Variants in HDAC9 observed in about 807,000 individuals in gnomAD.
The protein encoded by HDAC9 is histone deacetylase 9.
In HDAC9, 41 loss-of-function variants were observed where a neutral mutation model predicts 139.4. The observed-to-expected ratio is 0.29, with a 90% CI of 0.23 to 0.38. The LOEUF (loss-of-function observed/expected upper bound fraction) is 0.38, where lower values mean the gene tolerates loss of function less well. HDAC9 is among the 10% of genes least tolerant of loss of function. HDAC9 has a pLI of 1.00. For missense variants in HDAC9, 1,147 were observed against 1,297.0 expected, an observed-to-expected ratio of 0.88 and a Z score of 1.78; for synonymous variants, 517 against 476.2, an observed-to-expected ratio of 1.09 and a Z score of -1.12.
At chr7:18,426,606 C>T (rs547842377) in intron 1 of HDAC9, among the ~76,000 whole-genome samples, 1 of 152,152 alleles carries the variant, frequency 6.6e-6, no homozygotes, top group South Asian at 2.1e-4. Context: ...AAAATGACTA[C>T]CTCAGGCATC....
intron 6 of HDAC9, among the ~76,000 whole-genome samples, chr7:18,617,853 A>G: frequency 1.3e-5 from 2 of 152,344 alleles, no homozygotes; most frequent in Middle Eastern, 6.8e-3. Context: ...TTAAAATTCT[A>G]GAAGTTGTTT....
In HDAC9 at chr7:18,634,728, A is replaced by T; in HGVS notation, c.898A>T (p.Thr300Ser). Reference protein sequence around the residue: ...TENETSVLPPTPHAEQMVSQQ... With the variant: ...TENETSVLPPSPHAEQMVSQQ... ...AAATGAGACTTCGGTTTTGCCCCCT[A>T]CCCCTCATGCCGAGGTAAGACCCTT... The change falls in exon 8 of 26, where the codon ACC (threonine) becomes TCC (serine). Residue 300 changes from threonine to serine, a missense_variant. This residue lies in a region of HDAC9 where 264 missense variants were observed against 273.8 expected (regional missense o/e 0.96). Transcript: ENST00000686413. The T allele has an allele frequency of 1.3e-6, 2 of 1,591,664 alleles. No individual in the cohort carries two copies. The highest frequency in any genetic ancestry group is 1.3e-5 in the African/African-American group (1 of 74,440).
At chr7:18,988,171 A>T (rs559043826) in intron 25 of HDAC9, among the ~76,000 whole-genome samples, 1 of 151,532 alleles carries the variant, frequency 6.6e-6, no homozygotes, top group African/African-American at 2.4e-5. Flanking sequence ...TCAATTTTGG[A>T]TCTTTCCTGC....
At chr7:18,475,657 A>G (rs985945005) in intron 1 of HDAC9, among the ~76,000 whole-genome samples, 2 of 152,156 alleles carry the variant, frequency 1.3e-5, no homozygotes, top group Admixed American at 6.5e-5. Flanking sequence ...CAGATCTCCA[A>G]AATGAATTAG....
At chr7:18,358,769 T>C (rs917082214) in intron 1 of HDAC9, among the ~76,000 whole-genome samples, 6 of 152,226 alleles carry the variant, frequency 3.9e-5, no homozygotes, top group Admixed American at 3.3e-4. Context: ...GATTCCTGGC[T>C]TTACCACTTA....
At chr7:18,514,771 C>G (rs1436337247) in intron 2 of HDAC9, among the ~76,000 whole-genome samples, 1 of 152,052 alleles carries the variant, frequency 6.6e-6, no homozygotes, top group East Asian at 1.9e-4. Context: ...GAGACCCTGT[C>G]TCTACAAAAA....
chr7:18,946,511 A>G (rs375972155), intron 23 of HDAC9, among the ~76,000 whole-genome samples: 134 of 152,274 alleles, frequency 8.8e-4, no homozygotes, highest in East Asian at 2.5e-3. Context: ...TCATGTGACC[A>G]TATTAATATC....
At chr7:18,214,879 G>T (rs1162097366) in intron 2 of HDAC9, among the ~76,000 whole-genome samples, 1 of 152,062 alleles carries the variant, frequency 6.6e-6, no homozygotes, top group Non-Finnish European at 1.5e-5. Context: ...ACTGATGGGG[G>T]CATGGAAAAG....
At chr7:18,559,984 A>G (rs1820092996) in intron 2 of HDAC9, among the ~76,000 whole-genome samples, 1 of 152,222 alleles carries the variant, frequency 6.6e-6, no homozygotes, top group Admixed American at 6.5e-5. Flanking sequence ...TAGATAATAC[A>G]TGACATGATA....
At chr7:18,108,841 C>T (rs368775838) in intron 1 of HDAC9, among the ~76,000 whole-genome samples, 1 of 152,082 alleles carries the variant, frequency 6.6e-6, no homozygotes, top group African/African-American at 2.4e-5. Context: ...AGGTTGGTCT[C>T]GAACTCCTGA....
At chr7:18,460,764 GACA>G in intron 1 of HDAC9, among the ~76,000 whole-genome samples, 1 of 126,482 alleles carries the variant, frequency 7.9e-6, no homozygotes, top group South Asian at 2.5e-4. Context: ...TTCCAGCCTG[GACA>G]ACAAGAGCAA....
At position 18,762,264 on chromosome 7, in the gene HDAC9, C is replaced by T; in HGVS notation, c.2151C>T (p.Pro717=). The change falls in exon 15 of 26, where the codon CCC becomes CCT. Residue 717 remains proline, a synonymous_variant. Transcript: ENST00000686413. ...CCCTGGACGGACAGAAGCTGGACCC[C>T]AGGATACTCCTAGGTCTGTACGGGC... ...TNPLDGQKLD[P]RILLGDDSQK... 6.2e-7 allele frequency: 1 copy of T among 1,613,484 alleles called. No homozygotes were observed. Among genetic ancestry groups the T allele is most frequent in the South Asian group, 1.1e-5 (1 of 91,060 alleles).
intron 12 of HDAC9, among the ~76,000 whole-genome samples, chr7:18,706,120 T>C (rs1392899289): frequency 6.6e-6 from 1 of 151,380 alleles, no homozygotes; most frequent in Non-Finnish European, 1.5e-5. Context: ...AGGTCGTTTG[T>C]TTACATGTGG....
At chr7:18,455,577 C>G (rs890123173) in intron 1 of HDAC9, among the ~76,000 whole-genome samples, 1 of 152,132 alleles carries the variant, frequency 6.6e-6, no homozygotes, top group African/African-American at 2.4e-5. Context: ...CATAAATGAA[C>G]GATTTTTATT....
At chr7:18,528,759 C>A (rs1335188841) in intron 2 of HDAC9, among the ~76,000 whole-genome samples, 1 of 152,022 alleles carries the variant, frequency 6.6e-6, no homozygotes, top group East Asian at 1.9e-4. Context: ...GAGCATGGGA[C>A]TTATTATGGA....
At position 18,147,840 on chromosome 7, in the gene HDAC9, T is replaced by C. The variant is rs189579254; in HGVS notation, c.-96-14389T>C. Among the ~76,000 whole-genome samples the C allele has an allele frequency of 5.9e-5, 9 of 152,290 alleles. No homozygotes were observed. The East Asian group carries it at 1.7e-3, about 29-fold the overall frequency. ...CTTGAACTTTATATATGTGGTATAT[T>C]ATATAAATCATTTTTGATTTTATTA... On this transcript the variant is annotated intron_variant, in intron 1 of 12. Coordinates refer to the HDAC9 transcript ENST00000417496.
chr7:18,240,115 A>T (rs1794092523), intron 2 of HDAC9, among the ~76,000 whole-genome samples: 1 of 152,146 alleles, frequency 6.6e-6, no homozygotes, highest in African/African-American at 2.4e-5. Flanking sequence ...ATTGTTTAAG[A>T]TCTAAATGTA....
chr7:18,461,093 A>G (rs1000493140), intron 1 of HDAC9, among the ~76,000 whole-genome samples: 29 of 152,202 alleles, frequency 1.9e-4, no homozygotes, highest in African/African-American at 7.0e-4. Context: ...AGCCTACAAC[A>G]AATCTTGCGT....
At chr7:18,097,046 C>G (rs573014092) in intron 1 of HDAC9, among the ~76,000 whole-genome samples, 7 of 152,140 alleles carry the variant, frequency 4.6e-5, no homozygotes, top group African/African-American at 1.7e-4. Context: ...TCTGCAACAT[C>G]ATAGCCACTA....
Sources: allele counts gnomAD v4.1 joint callset (sites outside exome capture counted in the v4.1 genomes callset), GRCh38; gene constraint gnomAD v4.1.1; regional missense constraint gnomAD v4.1.1; transcripts MANE v1.5; gene names NCBI Gene and HGNC (gene_info 2026-07-23, HGNC 2026-07-21).